Variants in ALDH1A2 observed in about 807,000 individuals in gnomAD.
The protein encoded by ALDH1A2 is retinal dehydrogenase 2.
ALDH1A2 carries 27 observed loss-of-function variants against 60.3 expected under a neutral mutation model. The ratio of observed to expected loss-of-function variants is 0.45; its 90% CI spans 0.33 to 0.62. The LOEUF (loss-of-function observed/expected upper bound fraction) is 0.62, where lower values mean the gene tolerates loss of function less well. Among genes scored for constraint, ALDH1A2 ranks in the 20% least tolerant of loss-of-function variants. The pLI is 0.02. For synonymous variants in ALDH1A2, 289 were observed against 232.4 expected, an observed-to-expected ratio of 1.24 and a Z score of -2.21; for missense variants, 581 against 643.8, an observed-to-expected ratio of 0.90 and a Z score of 1.06.
chr15:58,046,559 T>G (rs950542246), intron 1 of ALDH1A2, among the ~76,000 whole-genome samples: 1 of 152,076 alleles, frequency 6.6e-6, no homozygotes, highest in East Asian at 1.9e-4. Flanking sequence ...AATGCCAGTC[T>G]GCCTTTTGCC....
At chr15:58,018,083 T>C (rs955491256) in intron 1 of ALDH1A2, among the ~76,000 whole-genome samples, 2 of 152,144 alleles carry the variant, frequency 1.3e-5, no homozygotes, top group Non-Finnish European at 2.9e-5. Context: ...TGACCAGGGC[T>C]CCTTGGAGAA....
At chr15:58,017,138 T>G (rs1303681103) in intron 1 of ALDH1A2, among the ~76,000 whole-genome samples, 1 of 152,096 alleles carries the variant, frequency 6.6e-6, no homozygotes, top group East Asian at 1.9e-4. Flanking sequence ...AAACAATATA[T>G]TTACAAAGAC....
intron 1 of ALDH1A2, among the ~76,000 whole-genome samples, chr15:58,033,682 C>G (rs1295268810): frequency 7.4e-6 from 1 of 134,518 alleles, no homozygotes; most frequent in Non-Finnish European, 1.6e-5. Context: ...TGTTAGGACT[C>G]TTTTTTTTTT....
At chr15:57,982,448 T>C (rs570360264) in intron 7 of ALDH1A2, among the ~76,000 whole-genome samples, 11 of 152,242 alleles carry the variant, frequency 7.2e-5, no homozygotes, top group African/African-American at 2.4e-4. Context: ...AACTATAGAG[T>C]TGTGATATAC....
At chr15:57,961,337 C>T (rs1303596114) in intron 10 of ALDH1A2, 43 bp from the exon 11 acceptor site, 2 of 1,603,060 alleles carry the variant, frequency 1.2e-6, no homozygotes, top group East Asian at 2.2e-5. Flanking sequence ...CTCTGTCATT[C>T]CTTTACCTGC....
intron 4 of ALDH1A2, among the ~76,000 whole-genome samples, chr15:58,007,116 AAT>A (rs565493630): frequency 5.5e-4 from 84 of 152,026 alleles, no homozygotes; most frequent in African/African-American, 1.9e-3. Flanking sequence ...ATAAATCAAC[AAT>A]ATATATTAAA....
chr15:57,980,458 G>C, intron 7 of ALDH1A2: 1 of 338,504 alleles, frequency 3.0e-6, no homozygotes, highest in Non-Finnish European at 6.0e-6. Context: ...GCTTGTTCAT[G>C]AGTATGCATA....
At chr15:58,038,115 A>C (rs1896423585) in intron 1 of ALDH1A2, among the ~76,000 whole-genome samples, 1 of 150,488 alleles carries the variant, frequency 6.6e-6, no homozygotes, top group East Asian at 2.0e-4. Context: ...TCCTACTAAC[A>C]CCCTCTTCCC....
Position 58,032,789 on chromosome 15 carries a change from A to AACACAC in ALDH1A2, c.118-18514_118-18509dup, listed in dbSNP as rs59226967. The stretch of plus-strand genomic sequence containing the variant: ...TACAGAATCAACCAAAGTGCCCCTC[A>AACACAC]ACACACACACACACACACACACACA... On this transcript the variant is annotated intron_variant, in intron 1 of 12. Transcript: ENST00000249750. 3.1e-3 allele frequency among the ~76,000 whole-genome samples: 468 copies of AACACAC among 149,292 alleles called. 1 individual carries two copies. Among genetic ancestry groups the AACACAC allele is most frequent in the Admixed American group, 5.0e-3 (74 of 14,938 alleles).
chr15:57,995,182 G>T, intron 4 of ALDH1A2, 43 bp from the exon 5 acceptor site: 1 of 1,017,736 alleles, frequency 9.8e-7, no homozygotes, highest in South Asian at 2.3e-5. Context: ...GTTTAGATTA[G>T]GAAAAAAAAT....
At position 58,053,797 on chromosome 15, in the gene ALDH1A2, A is replaced by C. The variant is rs561216051; in HGVS notation, c.117+11737T>G. Among the ~76,000 whole-genome samples, 71 of 152,286 alleles carry C rather than the reference A, an allele frequency of 4.7e-4. No individual in the cohort carries two copies. The South Asian group carries it at 0.015, about 32-fold the overall frequency. ...ATGACACACATCACTAAATAGCTAC[A>C]ACTACCACCCAGGCTTTAATCTCAG... is the stretch of plus-strand genomic sequence containing the variant. On this transcript the variant is annotated intron_variant, in intron 1 of 12. Coordinates refer to ENST00000249750, the MANE Select transcript of ALDH1A2 (RefSeq NM_003888.4).
At chr15:58,024,586 TAGAC>T (rs1260730618) in intron 1 of ALDH1A2, among the ~76,000 whole-genome samples, 14 of 152,132 alleles carry the variant, frequency 9.2e-5, no homozygotes, top group African/African-American at 2.4e-4. Context: ...TAGATCTAAA[TAGAC>T]AGACTACAAT....
intron 1 of ALDH1A2, among the ~76,000 whole-genome samples, chr15:58,016,137 A>ATTTTT (rs532101226): frequency 6.0e-5 from 8 of 134,408 alleles, no homozygotes; most frequent in African/African-American, 1.1e-4. Context: ...ACTGATCCTA[A>ATTTTT]TTTTTTTTTT....
rs1466734285 is a variant in ALDH1A2, at chr15:58,065,524, G to A, written c.117+10C>T. On this transcript the variant is annotated intron_variant, in intron 1 of 12. Coordinates refer to ENST00000249750, the MANE Select transcript of ALDH1A2 (RefSeq NM_003888.4). ...TCTCCGTGGACGACGGGCGCTGGGC[G>A]GCCGCTTACCTTGGTGTACTTAATT... is the stretch of plus-strand genomic sequence containing the variant. The A allele has an allele frequency of 1.2e-6, 2 of 1,605,734 alleles. No homozygotes were observed. Among genetic ancestry groups the A allele is most frequent in the Admixed American group, 3.3e-5 (2 of 60,012 alleles).
chr15:57,958,708 A>G (rs1366404719), intron 12 of ALDH1A2, among the ~76,000 whole-genome samples: 2 of 152,222 alleles, frequency 1.3e-5, no homozygotes, highest in Non-Finnish European at 2.9e-5. Flanking sequence ...GGCTGTATCA[A>G]ATGAGGTGGA....
In ALDH1A2 at chr15:58,014,006, A is replaced by G. The variant is rs1157812832; in HGVS notation, c.223-8T>C. The G allele has an allele frequency of 6.2e-7, 1 of 1,614,012 alleles. No individual in the cohort carries two copies. Among genetic ancestry groups the G allele is most frequent in the Non-Finnish European group, 8.5e-7 (1 of 1,179,992 alleles). On this transcript the variant is annotated splice_polypyrimidine_tract_variant and splice_region_variant and intron_variant, in intron 2 of 12. Transcript: ENST00000249750. ...TGCTTTGTCTATATCTGCCTGTTAG[A>G]GAGGAAGAGGCACAACTGAAGAAAA...
intron 1 of ALDH1A2, among the ~76,000 whole-genome samples, chr15:58,022,542 A>G (rs1042515509): frequency 3.6e-4 from 55 of 152,122 alleles, no homozygotes; most frequent in African/African-American, 1.2e-3. Context: ...GGGGAAAGCC[A>G]CCTCAAGGCC....
intron 8 of ALDH1A2, 142 bp from the exon 9 acceptor site, chr15:57,964,211 G>T: frequency 1.2e-6 from 1 of 817,918 alleles, no homozygotes; most frequent in Non-Finnish European, 1.9e-6. Context: ...GATTGGGAAT[G>T]CAACTAGTTC....
At position 58,065,687 on chromosome 15, in the gene ALDH1A2, G is replaced by A. The variant is rs755284540; in HGVS notation, c.-37C>T. On this transcript the variant is annotated 5_prime_UTR_variant, in exon 1 of 13. Coordinates refer to ENST00000249750, the MANE Select transcript of ALDH1A2 (RefSeq NM_003888.4). ...GGGTGTCCCTAGCCCGCGGCGTGGG[G>A]CAGTGCGGGCTGTGCGCGCGGTCCG... is the stretch of plus-strand genomic sequence containing the variant. The A allele has an allele frequency of 2.8e-6, 4 of 1,436,334 alleles. No homozygotes were observed. The highest frequency in any genetic ancestry group is 1.4e-5 in the African/African-American group (1 of 69,856). The allele number at this position is 1,436,334 out of a possible 1,614,324, so 89.0% of individuals were successfully genotyped here.
Sources: gnomAD v4.1 joint callset for allele counts (sites outside exome capture counted in the v4.1 genomes callset) on GRCh38, gnomAD v4.1.1 for gene constraint, MANE v1.5 for transcripts, NCBI Gene and HGNC (gene_info 2026-07-23, HGNC 2026-07-21) for gene names.